Variants in CTNNA3 observed in about 807,000 individuals in gnomAD.
CTNNA3 encodes the protein catenin alpha-3.
Under a neutral mutation model 95.7 loss-of-function variants are expected in CTNNA3, and 76 were observed. The observed-to-expected ratio is 0.79, with a 90% CI of 0.66 to 0.96. The LOEUF is 0.96. Ranked by LOEUF, CTNNA3 falls within the 40% of genes least tolerant of loss-of-function variation. The pLI is 0.00. For synonymous variants in CTNNA3, 431 were observed against 374.4 expected (o/e 1.15, Z -1.74); for missense variants, 1,191 against 1,089.8 (o/e 1.09, Z -1.31).
intron 6 of CTNNA3, among the ~76,000 whole-genome samples, chr10:67,211,815 A>C (rs1440802550): frequency 2.0e-5 from 3 of 152,120 alleles, no homozygotes; most frequent in Non-Finnish European, 2.9e-5. Flanking sequence ...AACTCTTCTA[A>C]TTCCTGTTTA....
intron 7 of CTNNA3, among the ~76,000 whole-genome samples, chr10:66,991,499 T>C (rs1488737009): frequency 6.6e-6 from 1 of 152,198 alleles, no homozygotes; most frequent in Admixed American, 6.5e-5. Context: ...TTAAACATTA[T>C]AAAGTACACT....
chr10:67,284,575 G>C (rs1417501617), intron 5 of CTNNA3, among the ~76,000 whole-genome samples: 1 of 152,152 alleles, frequency 6.6e-6, no homozygotes, highest in East Asian at 1.9e-4. Flanking sequence ...TGTACCCTTT[G>C]GGAGAAATTT....
At chr10:67,149,310 G>C (rs1453625440) in intron 7 of CTNNA3, among the ~76,000 whole-genome samples, 1 of 152,162 alleles carries the variant, frequency 6.6e-6, no homozygotes, top group Non-Finnish European at 1.5e-5. Flanking sequence ...AAGAGGCCGG[G>C]TGCAGTGGCT....
chr10:67,644,164 T>C (rs1839630209), intron 2 of CTNNA3, among the ~76,000 whole-genome samples: 1 of 152,222 alleles, frequency 6.6e-6, no homozygotes, highest in East Asian at 1.9e-4. Context: ...TGTAAAAGCA[T>C]TCCTATTTCT....
intron 13 of CTNNA3, among the ~76,000 whole-genome samples, chr10:66,205,036 A>C (rs891040397): frequency 5.3e-5 from 8 of 152,140 alleles, no homozygotes; most frequent in African/African-American, 1.9e-4. Context: ...CAGTGTCAGC[A>C]ATATGTCAAG....
intron 13 of CTNNA3, among the ~76,000 whole-genome samples, chr10:66,222,291 C>A (rs1288475036): frequency 6.6e-6 from 1 of 152,086 alleles, no homozygotes; most frequent in Non-Finnish European, 1.5e-5. Flanking sequence ...CAGCGTATAA[C>A]CAGGAGTCAT....
intron 3 of CTNNA3, among the ~76,000 whole-genome samples, chr10:67,559,268 G>T (rs1841388198): frequency 6.6e-6 from 1 of 152,174 alleles, no homozygotes; most frequent in Non-Finnish European, 1.5e-5. Context: ...ACCTCACACG[G>T]CTGGGTACCC....
chr10:66,525,652 A>G (rs895346638), intron 10 of CTNNA3, among the ~76,000 whole-genome samples: 2 of 152,160 alleles, frequency 1.3e-5, no homozygotes, highest in African/African-American at 4.8e-5. Context: ...CATGTGAAAG[A>G]GAGAGAGAAA....
intron 13 of CTNNA3, among the ~76,000 whole-genome samples, chr10:66,157,873 T>C (rs2084626912): frequency 6.6e-6 from 1 of 152,100 alleles, no homozygotes; most frequent in Non-Finnish European, 1.5e-5. Context: ...AGTAAGGTGG[T>C]ATCGCATTGT....
intron 5 of CTNNA3, among the ~76,000 whole-genome samples, chr10:67,404,099 A>T (rs1485421102): frequency 6.6e-6 from 1 of 152,194 alleles, no homozygotes; most frequent in Admixed American, 6.5e-5. Flanking sequence ...GATGAGAAAG[A>T]ATCAGCACAA....
intron 17 of CTNNA3, among the ~76,000 whole-genome samples, chr10:65,937,195 T>C (rs1174128248): frequency 6.6e-6 from 1 of 152,138 alleles, no homozygotes; most frequent in Non-Finnish European, 1.5e-5. Flanking sequence ...ATGTCCTTTT[T>C]ACATGAACCA....
chr10:66,756,689 C>T (rs966112987), intron 9 of CTNNA3, among the ~76,000 whole-genome samples: 9 of 152,130 alleles, frequency 5.9e-5, no homozygotes, highest in Admixed American at 1.3e-4. Flanking sequence ...TAATCCACTT[C>T]AATTCACCTC....
intron 7 of CTNNA3, among the ~76,000 whole-genome samples, chr10:67,171,088 C>T (rs1248330026): frequency 2.0e-5 from 3 of 152,094 alleles, no homozygotes; most frequent in Non-Finnish European, 4.4e-5. Flanking sequence ...ATCTATTTGG[C>T]TCACATATTA....
chr10:67,669,595 A>G (rs1429458530), intron 1 of CTNNA3, among the ~76,000 whole-genome samples: 1 of 152,246 alleles, frequency 6.6e-6, no homozygotes, highest in Non-Finnish European at 1.5e-5. Context: ...AATGAGACCT[A>G]TAAAACTTCT....
At chr10:67,226,232 C>T (rs1864907129) in intron 5 of CTNNA3, among the ~76,000 whole-genome samples, 2 of 152,032 alleles carry the variant, frequency 1.3e-5, no homozygotes, top group Admixed American at 6.6e-5. Context: ...TTATGTTAAA[C>T]GACCAAACCT....
chr10:66,615,527 TA>T (rs914806808), intron 10 of CTNNA3, among the ~76,000 whole-genome samples: 10 of 151,854 alleles, frequency 6.6e-5, no homozygotes, highest in African/African-American at 2.4e-4. Context: ...ATTAGTAAAG[TA>T]AAAAAATATT....
chr10:66,130,580 C>T (rs1487343846), intron 13 of CTNNA3, among the ~76,000 whole-genome samples: 1 of 152,212 alleles, frequency 6.6e-6, no homozygotes, highest in East Asian at 1.9e-4. Flanking sequence ...CACTGTGGCT[C>T]ACGCCTGTAA....
At position 66,360,654 on chromosome 10, in the gene CTNNA3, TCTTTCTTCCTTCCTTCCTTC is replaced by T. The variant is rs1408359463; in HGVS notation, c.1732+18478_1732+18497del. 6.2e-3 allele frequency among the ~76,000 whole-genome samples: 370 copies of T among 59,472 alleles called. 6 individuals are homozygous for T. The highest frequency in any genetic ancestry group is 0.059 in the East Asian group (103 of 1,754). 39.0% of individuals were successfully genotyped at this position (59,472 alleles called of 152,430 possible). On this transcript the variant is annotated intron_variant, in intron 12 of 17. Coordinates refer to ENST00000433211, the MANE Select transcript of CTNNA3 (RefSeq NM_013266.4). ...TTCTTTCTTTCTTTCTTTCTTTCTTTCTTTCTTCCTTCCTTCCTTCCTTCCTTCCTTCCTTCCTTTTCTTT... is the reference window on the plus strand; with the variant it reads ...TTCTTTCTTTCTTTCTTTCTTTCTTTCTTCCTTCCTTCCTTCCTTTTCTTT...
At chr10:66,650,473 T>C (rs1427589240) in intron 9 of CTNNA3, among the ~76,000 whole-genome samples, 1 of 151,998 alleles carries the variant, frequency 6.6e-6, no homozygotes, top group Non-Finnish European at 1.5e-5. Flanking sequence ...TTGAGATAAG[T>C]GAAAAGAGAG....
Sources: gnomAD v4.1 joint callset for allele counts (sites outside exome capture counted in the v4.1 genomes callset) on GRCh38, gnomAD v4.1.1 for gene constraint, MANE v1.5 for transcripts, NCBI Gene and HGNC (gene_info 2026-07-23, HGNC 2026-07-21) for gene names.